Variants in SAMD12 observed in about 807,000 individuals in gnomAD.
SAMD12 encodes the protein sterile alpha motif domain containing 12.
Under a neutral mutation model 15.0 loss-of-function variants are expected in SAMD12, and 9 were observed. The ratio of observed to expected loss-of-function variants is 0.60; its 90% CI spans 0.36 to 1.05. The LOEUF (loss-of-function observed/expected upper bound fraction) is 1.05. SAMD12 is among the 50% of genes least tolerant of loss of function. The pLI, the probability that SAMD12 is intolerant of heterozygous loss-of-function variation, is 0.01. For synonymous variants in SAMD12, 86 were observed against 90.1 expected, an observed-to-expected ratio of 0.96 and a Z score of 0.25; for missense variants, 230 against 234.2, an observed-to-expected ratio of 0.98 and a Z score of 0.12.
chr8:118,215,014 T>C (rs1811920345), intron 4 of SAMD12, among the ~76,000 whole-genome samples: 1 of 152,232 alleles, frequency 6.6e-6, no homozygotes, highest in Admixed American at 6.5e-5. Context: ...GCAGCACTAT[T>C]TAAAAATCTG....
At chr8:118,548,384 T>TACATACACACACAC (rs1554583414) in intron 2 of SAMD12, among the ~76,000 whole-genome samples, 1 of 139,800 alleles carries the variant, frequency 7.2e-6, no homozygotes, top group Non-Finnish European at 1.6e-5. Context: ...AAAACACACA[T>TACATACACACACAC]ACACACACAC....
chr8:118,429,982 T>G (rs537029894), intron 3 of SAMD12, among the ~76,000 whole-genome samples: 1 of 152,338 alleles, frequency 6.6e-6, no homozygotes, highest in South Asian at 2.1e-4. Context: ...TTTAACCATT[T>G]AGGATGATGT....
chr8:118,565,440 T>C (rs1331565620), intron 2 of SAMD12, among the ~76,000 whole-genome samples: 1 of 152,106 alleles, frequency 6.6e-6, no homozygotes, highest in Non-Finnish European at 1.5e-5. Flanking sequence ...ATAATAATCA[T>C]CAAAGAAGTA....
At chr8:118,470,810 A>G (rs1295355249) in intron 2 of SAMD12, among the ~76,000 whole-genome samples, 1 of 152,164 alleles carries the variant, frequency 6.6e-6, no homozygotes, top group Non-Finnish European at 1.5e-5. Flanking sequence ...GCTCCCTCTA[A>G]AGAGTTCTTG....
At chr8:118,232,332 A>G (rs968256626) in intron 4 of SAMD12, among the ~76,000 whole-genome samples, 1 of 152,128 alleles carries the variant, frequency 6.6e-6, no homozygotes, top group Non-Finnish European at 1.5e-5. Context: ...TAGAGGGTAA[A>G]CTGGAGTTTA....
intron 2 of SAMD12, among the ~76,000 whole-genome samples, chr8:118,447,216 C>A (rs1032062915): frequency 1.3e-5 from 2 of 152,138 alleles, no homozygotes. Flanking sequence ...GAAACACTGT[C>A]ATGCCACACC....
intron 2 of SAMD12, among the ~76,000 whole-genome samples, chr8:118,524,022 A>G (rs1825465477): frequency 6.6e-6 from 1 of 152,070 alleles, no homozygotes. Flanking sequence ...ATCAGCATAT[A>G]AACATCTTTT....
chr8:118,366,739 G>A (rs967405431), intron 4 of SAMD12, among the ~76,000 whole-genome samples: 1 of 151,570 alleles, frequency 6.6e-6, no homozygotes, highest in Non-Finnish European at 1.5e-5. Context: ...TTGAAACTGG[G>A]AGGCGAAGGT....
chr8:118,543,033 A>G (rs567535282), intron 2 of SAMD12, among the ~76,000 whole-genome samples: 1 of 152,330 alleles, frequency 6.6e-6, no homozygotes, highest in South Asian at 2.1e-4. Context: ...AAGGATGAAA[A>G]AAAGGAAAAA....
chr8:118,511,310 T>C (rs534091837), intron 2 of SAMD12, among the ~76,000 whole-genome samples: 2 of 152,324 alleles, frequency 1.3e-5, no homozygotes, highest in African/African-American at 2.4e-5. Flanking sequence ...GAAATGTTCA[T>C]ATGAAGGCGA....
chr8:118,565,007 T>TAG (rs1265424776), intron 2 of SAMD12, among the ~76,000 whole-genome samples: 1 of 152,224 alleles, frequency 6.6e-6, no homozygotes, highest in East Asian at 1.9e-4. Flanking sequence ...GGCCACTATC[T>TAG]AGAACTAGTC....
At chr8:118,610,465 A>G (rs78672765) in intron 1 of SAMD12, among the ~76,000 whole-genome samples, 3 of 152,178 alleles carry the variant, frequency 2.0e-5, no homozygotes, top group East Asian at 1.9e-4. Flanking sequence ...TTCTACCACA[A>G]ATTAGCAGTG....
intron 4 of SAMD12, among the ~76,000 whole-genome samples, chr8:118,275,110 A>G (rs901525648): frequency 5.3e-5 from 8 of 152,192 alleles, no homozygotes; most frequent in African/African-American, 1.7e-4. Flanking sequence ...TTGTAGACAT[A>G]CTTTATCAGG....
chr8:118,263,549 C>A (rs990335787), intron 4 of SAMD12, among the ~76,000 whole-genome samples: 3 of 151,984 alleles, frequency 2.0e-5, no homozygotes, highest in African/African-American at 7.2e-5. Context: ...TACAGGCTGG[C>A]TTTTTACTCA....
chr8:118,255,859 G>T (rs1406299023), intron 4 of SAMD12, among the ~76,000 whole-genome samples: 1 of 150,894 alleles, frequency 6.6e-6, no homozygotes, highest in African/African-American at 2.5e-5. Flanking sequence ...TAGTCCTTTG[G>T]GTATATACCC....
At chr8:118,532,735 T>G (rs1015895148) in intron 2 of SAMD12, among the ~76,000 whole-genome samples, 10 of 152,214 alleles carry the variant, frequency 6.6e-5, no homozygotes, top group African/African-American at 1.9e-4. Flanking sequence ...TAGAGGTGTT[T>G]ATAGCATTCT....
chr8:118,309,965 C>G (rs1296284490), intron 4 of SAMD12, among the ~76,000 whole-genome samples: 1 of 152,196 alleles, frequency 6.6e-6, no homozygotes, highest in African/African-American at 2.4e-5. Context: ...ATTGAAGGTA[C>G]TTAATAATTA....
At chr8:118,534,080 C>T (rs890965576) in intron 2 of SAMD12, among the ~76,000 whole-genome samples, 2 of 152,160 alleles carry the variant, frequency 1.3e-5, no homozygotes, top group Admixed American at 6.6e-5. Context: ...GTGGCTGGTA[C>T]TGGTTGTTCC....
chr8:118,447,942 A>G (rs1479558926), intron 2 of SAMD12, among the ~76,000 whole-genome samples: 1 of 147,186 alleles, frequency 6.8e-6, no homozygotes, highest in Non-Finnish European at 1.5e-5. Flanking sequence ...GTTAGCCAAG[A>G]TGGTCTTGAT....
Sources: gnomAD v4.1 joint callset for allele counts (sites outside exome capture counted in the v4.1 genomes callset) on GRCh38, gnomAD v4.1.1 for gene constraint, MANE v1.5 for transcripts, NCBI Gene and HGNC (gene_info 2026-07-23, HGNC 2026-07-21) for gene names.